Variants in RAB11FIP3 observed in about 807,000 individuals in gnomAD.
RAB11FIP3 encodes RAB11 family interacting protein 3, also known as rab11 family-interacting protein 3.
Under a neutral mutation model 77.8 loss-of-function variants are expected in RAB11FIP3, and 17 were observed. The observed-to-expected ratio is 0.22, with a 90% CI of 0.15 to 0.33. The LOEUF (loss-of-function observed/expected upper bound fraction) is 0.33, where lower values mean the gene tolerates loss of function less well. RAB11FIP3 is among the 10% of genes least tolerant of loss of function. The pLI is 1.00. For synonymous variants in RAB11FIP3, 437 were observed against 448.2 expected (o/e 0.98, Z 0.31); for missense variants, 1,005 against 1,011.2 (o/e 0.99, Z 0.08).
At chr16:437,797 T>A (rs896891557) in intron 1 of RAB11FIP3, among the ~76,000 whole-genome samples, 1 of 152,096 alleles carries the variant, frequency 6.6e-6, no homozygotes, top group Non-Finnish European at 1.5e-5. Context: ...GCATTGTAAT[T>A]ATTATTATTT....
chr16:487,070 C>T (rs934117940), intron 4 of RAB11FIP3, among the ~76,000 whole-genome samples: 2 of 151,486 alleles, frequency 1.3e-5, no homozygotes, highest in African/African-American at 2.4e-5. Context: ...AGACAGGCAG[C>T]GCCAAGTTGA....
chr16:520,074 G>T, intron 11 of RAB11FIP3, 48 bp from the exon 12 acceptor site: 1 of 1,538,904 alleles, frequency 6.5e-7, no homozygotes. Flanking sequence ...GCTGACGGTG[G>T]CCCCTGGGAG....
chr16:432,634 C>G (rs1321667014), intron 1 of RAB11FIP3, among the ~76,000 whole-genome samples: 1 of 139,194 alleles, frequency 7.2e-6, no homozygotes, highest in African/African-American at 2.7e-5. Context: ...GGGTCTCGCT[C>G]TGTGGCCCAG....
intron 3 of RAB11FIP3, among the ~76,000 whole-genome samples, chr16:473,666 C>G (rs2055849187): frequency 6.6e-6 from 1 of 152,110 alleles, no homozygotes; most frequent in Non-Finnish European, 1.5e-5. Flanking sequence ...TCTCAAACTC[C>G]TGAGTTCAAG....
At chr16:477,698 G>T (rs534664405) in intron 3 of RAB11FIP3, 1 of 983,762 alleles carries the variant, frequency 1.0e-6, no homozygotes, top group African/African-American at 1.7e-5. Flanking sequence ...GTGCTCTCCT[G>T]GTTCTGGATG....
At chr16:439,496 C>T (rs1279056610) in intron 1 of RAB11FIP3, 2 of 152,222 alleles carry the variant, frequency 1.3e-5, no homozygotes, top group Admixed American at 6.5e-5. Flanking sequence ...GAGCCAGTGT[C>T]CTGTGTGTGC....
intron 1 of RAB11FIP3, among the ~76,000 whole-genome samples, chr16:437,965 A>G (rs908284724): frequency 6.6e-6 from 1 of 152,088 alleles, no homozygotes; most frequent in African/African-American, 2.4e-5. Flanking sequence ...TCGTGCCAGC[A>G]CACCTGCTTA....
At chr16:519,682 A>G in intron 10 of RAB11FIP3, 72 bp from the exon 11 acceptor site, 1 of 1,559,660 alleles carries the variant, frequency 6.4e-7, no homozygotes, top group Non-Finnish European at 8.7e-7. Flanking sequence ...TTGGAGGGAC[A>G]GACGGCCGGG....
intron 3 of RAB11FIP3, chr16:474,991 G>A (rs1450091625): frequency 1.3e-6 from 2 of 1,551,712 alleles, no homozygotes; most frequent in Admixed American, 3.9e-5. Context: ...CAGTGACCCG[G>A]TTGGGACGGA....
chr16:488,922 G>A lies in RAB11FIP3; in HGVS notation c.1187G>A (p.Gly396Asp). Residue 396 changes from glycine (G) to aspartate (D), a missense_variant, in exon 5 of 14, where the codon GGC becomes GAC. By Grantham distance (94) the Gly-to-Asp change is moderately conservative. Transcript: ENST00000262305. ...GEEHFEDYGEGSEAELSPETL... is the reference protein window; with the variant it reads ...GEEHFEDYGEDSEAELSPETL... ...GAGCACTTTGAGGACTACGGTGAAG[G>A]CAGTGAGGCGGAGCTGTCCCCAGAG... The A allele has an allele frequency of 6.2e-7, 1 of 1,614,042 alleles. No homozygotes were observed. The highest frequency in any genetic ancestry group is 8.5e-7 in the Non-Finnish European group (1 of 1,180,000).
intron 1 of RAB11FIP3, among the ~76,000 whole-genome samples, chr16:441,631 A>G (rs1169063970): frequency 6.6e-6 from 1 of 152,224 alleles, no homozygotes; most frequent in Non-Finnish European, 1.5e-5. Flanking sequence ...ACTAGCCTGG[A>G]GTTGGTGCCA....
intron 5 of RAB11FIP3, among the ~76,000 whole-genome samples, chr16:496,162 G>A (rs565662411): frequency 6.6e-6 from 1 of 152,314 alleles, no homozygotes; most frequent in East Asian, 1.9e-4. Flanking sequence ...ATGGTTCCCA[G>A]GCCCCAGGGG....
At chr16:488,017 C>T (rs1357407579) in intron 4 of RAB11FIP3, among the ~76,000 whole-genome samples, 5 of 151,010 alleles carry the variant, frequency 3.3e-5, no homozygotes, top group Non-Finnish European at 5.9e-5. Context: ...GGAGGGCACA[C>T]GAGTGAGGAG....
chr16:433,337 T>C (rs2055071505), intron 1 of RAB11FIP3, among the ~76,000 whole-genome samples: 1 of 147,476 alleles, frequency 6.8e-6, no homozygotes, highest in African/African-American at 2.5e-5. Context: ...TGCATATTTC[T>C]AACCATTAAC....
Position 505,450 on chromosome 16 carries a change from C to G in RAB11FIP3, c.1396-74C>G. 8.2e-7 allele frequency: 1 copy of G among 1,225,154 alleles called. No individual in the cohort carries two copies. The highest frequency in any genetic ancestry group is 1.1e-6 in the Non-Finnish European group (1 of 876,712). The allele number at this position is 1,225,154 out of a possible 1,614,324, so 75.9% of individuals were successfully genotyped here. On this transcript the variant is annotated intron_variant, in intron 7 of 13. Coordinates refer to ENST00000262305, the MANE Select transcript of RAB11FIP3 (RefSeq NM_014700.4). This position sits in a 1 kb window ranked among gnomAD's most constrained non-coding sequence, Gnocchi z 4.0. ...CTGAGAAAATCCCCAGGCGGCCTCC[C>G]AGGTTGTTCCCTTGGGGGTGCAGGC... is the stretch of plus-strand genomic sequence containing the variant.
chr16:461,434 A>C lies in RAB11FIP3; in HGVS notation c.745A>C (p.Ser249Arg). 6.2e-7 allele frequency: 1 copy of C among 1,613,486 alleles called. No homozygotes were observed. Among genetic ancestry groups the C allele is most frequent in the Non-Finnish European group, 8.5e-7 (1 of 1,179,748 alleles). The part of the protein sequence containing the change: ...VKDLTKYLDP[S>R]GLGVISFEDF... ...GGACTTAACTAAGTACTTGGATCCCAGTGGGCTCGGCGTGATCAGCTTTGA... is the reference window on the plus strand; with the variant it reads ...GGACTTAACTAAGTACTTGGATCCCCGTGGGCTCGGCGTGATCAGCTTTGA... Residue 249 changes from serine to arginine, a missense_variant, in exon 2 of 14, where the codon AGT becomes CGT. Transcript: ENST00000262305. The surrounding 1 kb of genome is among the most constrained non-coding windows in gnomAD (Gnocchi z 4.5).
chr16:492,809 C>T (rs1381869824), intron 5 of RAB11FIP3, among the ~76,000 whole-genome samples: 1 of 152,098 alleles, frequency 6.6e-6, no homozygotes, highest in Non-Finnish European at 1.5e-5. Flanking sequence ...CTGATTTTTT[C>T]CCACATTGAG....
intron 7 of RAB11FIP3, among the ~76,000 whole-genome samples, chr16:503,350 A>C (rs1207757766): frequency 6.6e-6 from 1 of 152,206 alleles, no homozygotes; most frequent in Non-Finnish European, 1.5e-5. Flanking sequence ...TGGACTGGGC[A>C]GTGAGTGAGC....
chr16:432,600 TTTTGTG>T (rs1336021963), intron 1 of RAB11FIP3, among the ~76,000 whole-genome samples: 28 of 143,952 alleles, frequency 1.9e-4, no homozygotes, highest in African/African-American at 7.5e-4. Flanking sequence ...TTTTTTTTTT[TTTTGTG>T]TGTGTGTGTG....
Sources: allele counts gnomAD v4.1 joint callset (sites outside exome capture counted in the v4.1 genomes callset), GRCh38; gene constraint gnomAD v4.1.1; non-coding constraint Gnocchi (gnomAD v3.1); transcripts MANE v1.5; gene names NCBI Gene and HGNC (gene_info 2026-07-23, HGNC 2026-07-21).